LIN28B: variants seen among roughly 807,000 people sequenced by gnomAD.
The protein encoded by LIN28B is lin-28 RNA binding posttranscriptional regulator B.
LIN28B carries 5 observed loss-of-function variants against 21.9 expected under a neutral mutation model. The ratio of observed to expected loss-of-function variants is 0.23; its 90% CI spans 0.12 to 0.48. The LOEUF is 0.48. Among genes scored for constraint, LIN28B ranks in the 20% least tolerant of loss-of-function variants. LIN28B has a pLI of 0.98. For missense variants in LIN28B, 245 were observed against 310.5 expected (o/e 0.79, Z 1.58); for synonymous variants, 109 against 111.3 (o/e 0.98, Z 0.13).
rs545491130 is a variant in LIN28B, at chr6:104,985,199, A to G, written c.198+26913A>G. Among the ~76,000 whole-genome samples, 28 of 152,336 alleles carry G rather than the reference A, an allele frequency of 1.8e-4. No homozygotes were observed. The South Asian group carries it at 5.6e-3, about 30-fold the overall frequency. On this transcript the variant is annotated intron_variant, in intron 2 of 3. Transcript: ENST00000345080. ...TGTAAGTTGGACTAACAAATGAGAG[A>G]TTAACAAAAGAAAAGCATACACATT... is the stretch of plus-strand genomic sequence containing the variant.
chr6:104,952,551 GT>G (rs1768919327), upstream of LIN28B, among the ~76,000 whole-genome samples: 1 of 152,090 alleles, frequency 6.6e-6, no homozygotes, highest in South Asian at 2.1e-4. Context: ...TTTAAAAAAA[GT>G]TAAAAAATTC....
chr6:104,956,932 T>C, upstream of LIN28B: 2 of 451,548 alleles, frequency 4.4e-6, no homozygotes, highest in Non-Finnish European at 7.3e-6. Context: ...TTTGAGTTTT[T>C]CGTGTTCATT....
chr6:105,020,654 T>C (rs1562095162), intron 2 of LIN28B, among the ~76,000 whole-genome samples: 1 of 152,000 alleles, frequency 6.6e-6, no homozygotes. Context: ...TAAATAAATA[T>C]GTGCCAGAAT....
Position 105,050,470 on chromosome 6 carries a change from C to T in LIN28B, c.383+23988C>T, listed in dbSNP as rs550697378. ...ACAAAAAATTAGCCGGGCGCGGTGG[C>T]GGGTGCCTGTAGTCCCAGCTACTCG... is the stretch of plus-strand genomic sequence containing the variant. On this transcript the variant is annotated intron_variant, in intron 3 of 3. Transcript: ENST00000345080. Among the ~76,000 whole-genome samples, 209 of 151,522 alleles carry T rather than the reference C, an allele frequency of 1.4e-3. 1 individual carries two copies. The highest frequency in any genetic ancestry group is 4.8e-3 in the African/African-American group (199 of 41,374).
At chr6:105,024,706 C>A (rs1582903177) in intron 2 of LIN28B, among the ~76,000 whole-genome samples, 1 of 152,278 alleles carries the variant, frequency 6.6e-6, no homozygotes, top group East Asian at 1.9e-4. Flanking sequence ...ACCCTGTTTT[C>A]ATGGGCTGTC....
intron 2 of LIN28B, among the ~76,000 whole-genome samples, chr6:104,950,255 G>A (rs1778205556): frequency 6.6e-6 from 1 of 152,012 alleles, no homozygotes; most frequent in African/African-American, 2.4e-5. Context: ...TTAAACTAGT[G>A]TCCTCTACTA....
intron 2 of LIN28B, among the ~76,000 whole-genome samples, chr6:105,024,822 G>T (rs900388878): frequency 2.0e-5 from 3 of 152,106 alleles, no homozygotes; most frequent in African/African-American, 7.2e-5. Context: ...GCTGCCTTTA[G>T]AGTCATGGAC....
chr6:104,975,661 T>A (rs1770075300), intron 2 of LIN28B, among the ~76,000 whole-genome samples: 1 of 152,046 alleles, frequency 6.6e-6, no homozygotes, highest in Admixed American at 6.6e-5. Flanking sequence ...TTTTTCTTTT[T>A]TTTTGGACGC....
At chr6:105,039,496 A>C (rs771487409) in intron 3 of LIN28B, among the ~76,000 whole-genome samples, 8 of 152,150 alleles carry the variant, frequency 5.3e-5, no homozygotes, top group Non-Finnish European at 7.4e-5. Context: ...GAGTGTATGA[A>C]ATTTACTCCA....
At chr6:104,991,662 G>T (rs928357702) in intron 2 of LIN28B, among the ~76,000 whole-genome samples, 1 of 151,886 alleles carries the variant, frequency 6.6e-6, no homozygotes, top group Admixed American at 6.6e-5. Context: ...CAAGGCAGGC[G>T]GCTGGGAGGT....
At chr6:104,962,351 T>C (rs913727150) in intron 2 of LIN28B, among the ~76,000 whole-genome samples, 128 of 152,204 alleles carry the variant, frequency 8.4e-4, no homozygotes, top group African/African-American at 3.0e-3. Flanking sequence ...TTTACCTTTA[T>C]TCATCTTCAT....
At chr6:104,958,381 G>C in intron 2 of LIN28B, 95 bp downstream of exon 2, 1 of 1,018,402 alleles carries the variant, frequency 9.8e-7, no homozygotes, top group Non-Finnish European at 1.4e-6. Context: ...GATGTCCTTC[G>C]GTATATTGAA....
At chr6:105,034,458 A>T (rs907130868) in intron 3 of LIN28B, among the ~76,000 whole-genome samples, 19 of 151,798 alleles carry the variant, frequency 1.3e-4, no homozygotes, top group African/African-American at 4.3e-4. Context: ...ATAGACTGTT[A>T]AAAAAAAGAT....
chr6:104,957,486 TC>T (rs2114564650), intron 1 of LIN28B, among the ~76,000 whole-genome samples: 1 of 152,076 alleles, frequency 6.6e-6, no homozygotes, highest in African/African-American at 2.4e-5. Flanking sequence ...TGAAAAGCTT[TC>T]AGGGGGCTAT....
chr6:105,051,734 C>A (rs1193116561), intron 3 of LIN28B, among the ~76,000 whole-genome samples: 3 of 151,822 alleles, frequency 2.0e-5, no homozygotes, highest in African/African-American at 7.3e-5. Flanking sequence ...CTCAGTTTCT[C>A]TCTGTAAATT....
chr6:104,943,808 A>G (rs1441897904), intron 2 of LIN28B, among the ~76,000 whole-genome samples: 3 of 152,170 alleles, frequency 2.0e-5, no homozygotes, highest in African/African-American at 7.2e-5. Context: ...AAGTATTTCT[A>G]GCTTGCCAAG....
chr6:105,003,559 C>T (rs1282982579), intron 2 of LIN28B, among the ~76,000 whole-genome samples: 2 of 151,988 alleles, frequency 1.3e-5, no homozygotes, highest in African/African-American at 4.8e-5. Context: ...ATCAACCAGG[C>T]TGGAGTGCAG....
intron 2 of LIN28B, among the ~76,000 whole-genome samples, chr6:104,967,587 A>G (rs1472197882): frequency 8.7e-5 from 13 of 149,986 alleles, no homozygotes; most frequent in African/African-American, 3.2e-4. Context: ...AAAAAAAAAA[A>G]AAAAAAAAAA....
intron 3 of LIN28B, among the ~76,000 whole-genome samples, chr6:105,077,698 T>C (rs995084894): frequency 3.3e-5 from 5 of 152,222 alleles, no homozygotes; most frequent in Admixed American, 2.0e-4. Context: ...TGAACCTTTA[T>C]TAATTCAATC....
Sources: gnomAD v4.1 joint callset for allele counts (sites outside exome capture counted in the v4.1 genomes callset) on GRCh38, gnomAD v4.1.1 for gene constraint, MANE v1.5 for transcripts, NCBI Gene and HGNC (gene_info 2026-07-23, HGNC 2026-07-21) for gene names.